The following ZC3H3 variants were observed in gnomAD, a reference collection of about 807,000 sequenced individuals.
ZC3H3 encodes the protein zinc finger CCCH domain-containing protein 3.
Under a neutral mutation model 77.3 loss-of-function variants are expected in ZC3H3, and 36 were observed. The observed-to-expected ratio is 0.47, with a 90% CI of 0.36 to 0.61. The LOEUF (loss-of-function observed/expected upper bound fraction) is 0.61. Ranked by LOEUF, ZC3H3 falls within the 20% of genes least tolerant of loss-of-function variation. The pLI, the probability that ZC3H3 is intolerant of heterozygous loss-of-function variation, is 0.00. For missense variants in ZC3H3, 1,331 were observed against 1,312.2 expected, an observed-to-expected ratio of 1.01 and a Z score of -0.22; for synonymous variants, 626 against 555.2, an observed-to-expected ratio of 1.13 and a Z score of -1.79.
intron 3 of ZC3H3, among the ~76,000 whole-genome samples, chr8:143,528,560 G>A (rs1041112217): frequency 6.6e-6 from 1 of 152,222 alleles, no homozygotes; most frequent in Non-Finnish European, 1.5e-5. Context: ...GCTGGAGGCC[G>A]GGGATCGAGG....
chr8:143,440,958 C>G lies in ZC3H3; in HGVS notation c.2470G>C (p.Val824Leu). ...CACCTGGGCCCGTGGCTGGCCGAGA[C>G]CCTGCTCCTGGCGGTTGCGTCGCTG... ...GPSDATARSR[V>L]SASHGPRKPS... Residue 824 changes from valine to leucine, a missense_variant, in exon 10 of 12, where the codon GTC becomes CTC. Val to Leu is a conservative substitution (Grantham distance 32). Transcript: ENST00000262577. 1 of 1,440,806 alleles carries G rather than the reference C, an allele frequency of 6.9e-7. No homozygotes were observed. The highest frequency in any genetic ancestry group is 9.1e-7 in the Non-Finnish European group (1 of 1,102,342). The allele number at this position is 1,440,806 out of a possible 1,614,324, so 89.3% of individuals were successfully genotyped here.
intron 9 of ZC3H3, among the ~76,000 whole-genome samples, chr8:143,446,350 C>T (rs560155971): frequency 1.3e-5 from 2 of 152,120 alleles, no homozygotes; most frequent in African/African-American, 2.4e-5. Flanking sequence ...ATTTTCAACA[C>T]GTCACAAAGA....
chr8:143,473,890 G>A (rs1385217844), intron 5 of ZC3H3, among the ~76,000 whole-genome samples: 1 of 152,180 alleles, frequency 6.6e-6, no homozygotes, highest in Admixed American at 6.5e-5. Context: ...TTCACTCAGG[G>A]AAATGACTGC....
In ZC3H3 at chr8:143,530,186, A is replaced by G. The variant is rs916924596; in HGVS notation, c.1561+6071T>C. Among the ~76,000 whole-genome samples the G allele has an allele frequency of 6.6e-6, 1 of 152,024 alleles. No individual in the cohort carries two copies. Among genetic ancestry groups the G allele is most frequent in the African/African-American group, 2.4e-5 (1 of 41,392 alleles). On this transcript the variant is annotated intron_variant, in intron 3 of 11. Coordinates refer to ENST00000262577, the MANE Select transcript of ZC3H3 (RefSeq NM_015117.3). The surrounding 1 kb of genome is among the most constrained non-coding windows in gnomAD (Gnocchi z 4.3). ...GTTGTCCACACGAGACCACCACGCA[A>G]GCCAGGCCCTTTCTGTCCACCACAG...
In ZC3H3 at chr8:143,440,369, GGGAA is replaced by G. The variant is rs1819708093; in HGVS notation, c.2493-10_2493-7del. ...GCTGGGATGCTGAAGGCTTCCTGCA[GGGAA>G]GGAAGGGGCAGACGTGTGAGGTGGG... On this transcript the variant is annotated splice_polypyrimidine_tract_variant and splice_region_variant and intron_variant, in intron 10 of 11. Coordinates refer to ENST00000262577, the MANE Select transcript of ZC3H3 (RefSeq NM_015117.3). 6.6e-7 allele frequency: 1 copy of G among 1,519,134 alleles called. No homozygotes were observed. Among genetic ancestry groups the G allele is most frequent in the Non-Finnish European group, 8.8e-7 (1 of 1,132,750 alleles). 94.1% of individuals were successfully genotyped at this position (1,519,134 alleles called of 1,614,324 possible).
intron 9 of ZC3H3, 125 bp downstream of exon 9, chr8:143,465,592 G>A: frequency 7.0e-7 from 1 of 1,422,260 alleles, no homozygotes; most frequent in Admixed American, 2.0e-5. Context: ...AGGTGGACGT[G>A]ATGGCACTGA....
chr8:143,538,118 C>G lies in ZC3H3; in HGVS notation c.1249G>C (p.Gly417Arg), dbSNP rs759280014. 6.2e-7 allele frequency: 1 copy of G among 1,613,064 alleles called. No homozygotes were observed. Among genetic ancestry groups the G allele is most frequent in the African/African-American group, 1.3e-5 (1 of 74,936 alleles). ...CTGTGTCCTACTGCTGGTCTGTCCC[C>G]CGACGGGGACCTAGACAGGACTGGG... ...LSPVLSRSPS[G>R]DRPAVGHSGL... Residue 417 changes from glycine to arginine, a missense_variant, in exon 2 of 12, where the codon GGG becomes CGG. This residue lies in a region of ZC3H3 where 978 missense variants were observed against 915.5 expected (regional missense o/e 1.07). Coordinates refer to ENST00000262577, the MANE Select transcript of ZC3H3 (RefSeq NM_015117.3).
chr8:143,532,933 G>A (rs1822665799), intron 3 of ZC3H3, among the ~76,000 whole-genome samples: 1 of 152,168 alleles, frequency 6.6e-6, no homozygotes, highest in Admixed American at 6.5e-5. Context: ...ACGCAGGCTC[G>A]GCCTCTCACC....
intron 3 of ZC3H3, among the ~76,000 whole-genome samples, chr8:143,535,541 G>C (rs1822766992): frequency 6.6e-6 from 1 of 152,204 alleles, no homozygotes; most frequent in Non-Finnish European, 1.5e-5. Context: ...ACGGTGTCTG[G>C]GGGGTGCCAC....
In ZC3H3 at chr8:143,468,513, G is replaced by A. The variant is rs948589425; in HGVS notation, c.1974C>T (p.Ile658=). Residue 658 remains isoleucine, a synonymous_variant, in exon 7 of 12, where the codon ATC becomes ATT. Coordinates refer to ENST00000262577, the MANE Select transcript of ZC3H3 (RefSeq NM_015117.3). The part of the protein sequence containing the change: ...ASRAVQRSLA[I]IRQARQRREK... The stretch of plus-strand genomic sequence containing the variant: ...CCCTGCGCTGCCGCGCCTGCCGGAT[G>A]ATGGCCAGGCTGCGCTGCACTGCCC... 1 of 1,609,350 alleles carries A rather than the reference G, an allele frequency of 6.2e-7. No individual in the cohort carries two copies. The highest frequency in any genetic ancestry group is 8.5e-7 in the Non-Finnish European group (1 of 1,178,408).
At chr8:143,459,843 C>T (rs1238387573) in intron 9 of ZC3H3, among the ~76,000 whole-genome samples, 1 of 152,084 alleles carries the variant, frequency 6.6e-6, no homozygotes, top group East Asian at 1.9e-4. Context: ...TACATAAAAG[C>T]CCATAGCTTA....
chr8:143,538,057 G>A lies in ZC3H3; in HGVS notation c.1310C>T (p.Ser437Leu), dbSNP rs747681931. ...GGTGCGGCTCTTCACTTTGTAAGCC[G>A]AGAGCGGGGTCTCCCCAGAGAGGGG... ...LKPLSGETPL[S>L]AYKVKSRTKI... Residue 437 changes from serine (S) to leucine (L), a missense_variant, in exon 2 of 12, where the codon TCG becomes TTG. By Grantham distance (145) the Ser-to-Leu change is moderately radical (BLOSUM62 -2). Around this residue, in one of 3 missense-constraint regions of ZC3H3, gnomAD observed 978 missense variants for 915.5 expected, o/e 1.07. Transcript: ENST00000262577. 4.0e-5 allele frequency: 65 copies of A among 1,612,334 alleles called. No homozygotes were observed. The highest frequency in any genetic ancestry group is 5.3e-5 in the Non-Finnish European group (62 of 1,179,796).
In ZC3H3 at chr8:143,462,692, A is replaced by T. The variant is rs1488772199; in HGVS notation, c.2307+3025T>A. ...ACCAACCACACACAGGGTGTGGGGA[A>T]AACGGCAGCGCGGAGGCTCACGGAG... On this transcript the variant is annotated intron_variant, in intron 9 of 11. Coordinates refer to ENST00000262577, the MANE Select transcript of ZC3H3 (RefSeq NM_015117.3). This position sits in a 1 kb window ranked among gnomAD's most constrained non-coding sequence, Gnocchi z 4.7. Among the ~76,000 whole-genome samples, 1 of 152,214 alleles carries T rather than the reference A, an allele frequency of 6.6e-6. No homozygotes were observed. The highest frequency in any genetic ancestry group is 6.5e-5 in the Admixed American group (1 of 15,282).
Position 143,536,364 on chromosome 8 carries a change from T to C in ZC3H3, c.1454A>G (p.Lys485Arg). 5 of 1,601,176 alleles carry C rather than the reference T, an allele frequency of 3.1e-6. No individual in the cohort carries two copies. Among genetic ancestry groups the C allele is most frequent in the Non-Finnish European group, 3.4e-6 (4 of 1,173,966 alleles). Residue 485 changes from lysine to arginine, a missense_variant, in exon 3 of 12, where the codon AAG (lysine) becomes AGG (arginine). Around this residue, in one of 3 missense-constraint regions of ZC3H3, gnomAD observed 978 missense variants for 915.5 expected, o/e 1.07. Coordinates refer to ENST00000262577, the MANE Select transcript of ZC3H3 (RefSeq NM_015117.3). ...SLRRRQALRG[K>R]SSPVLKKTPN... Reference sequence around the variant, plus strand: ...GGTCTTCTTCAGGACAGGGCTGCTCTTCCCCCTGAGGGCCTGTCTCCGCCG... The same window carrying C: ...GGTCTTCTTCAGGACAGGGCTGCTCCTCCCCCTGAGGGCCTGTCTCCGCCG...
intron 5 of ZC3H3, among the ~76,000 whole-genome samples, chr8:143,472,046 C>G (rs181210673): frequency 6.6e-6 from 1 of 152,230 alleles, no homozygotes; most frequent in Admixed American, 6.5e-5. Flanking sequence ...AGCGGGACAC[C>G]GGAGGCCATA....
chr8:143,507,268 C>A (rs1317286858), intron 4 of ZC3H3, among the ~76,000 whole-genome samples: 1 of 152,158 alleles, frequency 6.6e-6, no homozygotes, highest in Non-Finnish European at 1.5e-5. Flanking sequence ...GGGGCCAGAA[C>A]ACGGACAGGC....
At chr8:143,468,686 A>G (rs1163500565) in intron 5 of ZC3H3, 27 bp from the exon 6 acceptor site, 1 of 1,542,542 alleles carries the variant, frequency 6.5e-7, no homozygotes, top group Non-Finnish European at 8.7e-7. Context: ...CACGGGTCAT[A>G]GCAGGCCACA....
At chr8:143,511,726 A>G (rs2130433685) in intron 3 of ZC3H3, among the ~76,000 whole-genome samples, 1 of 152,332 alleles carries the variant, frequency 6.6e-6, no homozygotes, top group East Asian at 1.9e-4. Flanking sequence ...CCTTATGCAC[A>G]GTGGGCTACA....
chr8:143,539,369 A>T (rs755576676), intron 1 of ZC3H3, 49 bp from the exon 2 acceptor site: 1 of 1,511,684 alleles, frequency 6.6e-7, no homozygotes, highest in Non-Finnish European at 8.9e-7. Flanking sequence ...TAACCGCGAT[A>T]ATCATGACTA....
Sources: gnomAD v4.1 joint callset for allele counts (sites outside exome capture counted in the v4.1 genomes callset) on GRCh38, gnomAD v4.1.1 for gene constraint, gnomAD v4.1.1 regional missense constraint, Gnocchi (gnomAD v3.1) non-coding constraint, MANE v1.5 for transcripts, NCBI Gene and HGNC (gene_info 2026-07-23, HGNC 2026-07-21) for gene names.